Variants in SLC25A17 observed in about 807,000 individuals in gnomAD.
SLC25A17 encodes the protein peroxisomal membrane protein PMP34.
Under a neutral mutation model 38.5 loss-of-function variants are expected in SLC25A17, and 26 were observed. That is an observed-to-expected ratio of 0.68 (90% confidence interval 0.50 to 0.94). The LOEUF (loss-of-function observed/expected upper bound fraction) is 0.94. Ranked by LOEUF, SLC25A17 falls within the 40% of genes least tolerant of loss-of-function variation. The pLI is 0.00. For missense variants in SLC25A17, 333 were observed against 372.7 expected, an observed-to-expected ratio of 0.89 and a Z score of 0.88; for synonymous variants, 139 against 136.2, an observed-to-expected ratio of 1.02 and a Z score of -0.14.
At chr22:40,793,845 A>G (rs1285937327) in intron 3 of SLC25A17, among the ~76,000 whole-genome samples, 1 of 152,124 alleles carries the variant, frequency 6.6e-6, no homozygotes, top group Non-Finnish European at 1.5e-5. Context: ...TCCTGACCTC[A>G]GGTGATCCGC....
At chr22:40,784,096 C>G (rs949873794) in intron 4 of SLC25A17, among the ~76,000 whole-genome samples, 1 of 152,088 alleles carries the variant, frequency 6.6e-6, no homozygotes, top group African/African-American at 2.4e-5. Flanking sequence ...TATGTATTTT[C>G]CTTGTTTATT....
rs1162500210 is a variant in SLC25A17, at chr22:40,819,331, A to T, written c.-83T>A. ...AGTTAGGAAAGGAGCACCGGAGCTC[A>T]GGGTGTGAGAGTCGCAATCCCCGCC... On this transcript the variant is annotated 5_prime_UTR_variant, in exon 1 of 9. Coordinates refer to ENST00000435456, the MANE Select transcript of SLC25A17 (RefSeq NM_006358.4). 1 of 1,286,114 alleles carries T rather than the reference A, an allele frequency of 7.8e-7. No individual in the cohort carries two copies. The highest frequency in any genetic ancestry group is 1.0e-6 in the Non-Finnish European group (1 of 954,266). The allele number at this position is 1,286,114 out of a possible 1,614,324, so 79.7% of individuals were successfully genotyped here.
chr22:40,777,565 C>T (rs1040097140), intron 5 of SLC25A17, among the ~76,000 whole-genome samples, 192 bp from the exon 6 acceptor site: 1 of 152,082 alleles, frequency 6.6e-6, no homozygotes, highest in Non-Finnish European at 1.5e-5. Flanking sequence ...GGGTGGATCA[C>T]GAGGTCAGGA....
intron 1 of SLC25A17, among the ~76,000 whole-genome samples, chr22:40,801,572 T>C (rs761120322): frequency 1.3e-5 from 2 of 152,184 alleles, no homozygotes; most frequent in Non-Finnish European, 2.9e-5. Context: ...TGATACTCAA[T>C]GTTTCAAGAA....
intron 2 of SLC25A17, among the ~76,000 whole-genome samples, chr22:40,796,534 G>A (rs576655149): frequency 6.6e-5 from 10 of 151,768 alleles, no homozygotes; most frequent in Admixed American, 2.0e-4. Flanking sequence ...AGCTACTCGG[G>A]AGGCTGAGAC....
intron 1 of SLC25A17, among the ~76,000 whole-genome samples, chr22:40,801,997 G>A (rs917796149): frequency 4.6e-5 from 7 of 152,030 alleles, no homozygotes; most frequent in Non-Finnish European, 7.4e-5. Flanking sequence ...TCATCATGTT[G>A]GCCAGGCTGG....
Position 40,779,104 on chromosome 22 carries a change from G to T in SLC25A17, c.356C>A (p.Thr119Lys). 6.2e-7 allele frequency: 1 copy of T among 1,614,200 alleles called. No homozygotes were observed. Among genetic ancestry groups the T allele is most frequent in the African/African-American group, 1.3e-5 (1 of 75,052 alleles). ...GGTGTTTACCACCCAGAGTGGAGTT[G>T]TTAGCAACACATTAACCACTCCTTT... ...FVAGVVNVLL[T>K]TPLWVVNTRL... is the part of the protein sequence containing the mutation. Residue 119 changes from threonine to lysine, a missense_variant, in exon 5 of 9, where the codon ACA becomes AAA. Coordinates refer to ENST00000435456, the MANE Select transcript of SLC25A17 (RefSeq NM_006358.4).
At chr22:40,814,754 A>AATATATATATAAATATAT (rs2057617995) in intron 1 of SLC25A17, among the ~76,000 whole-genome samples, 1 of 135,202 alleles carries the variant, frequency 7.4e-6, no homozygotes, top group Admixed American at 7.2e-5. Context: ...GTACGTGCAG[A>AATATATATATAAATATAT]ATATATATAT....
intron 2 of SLC25A17, among the ~76,000 whole-genome samples, chr22:40,797,631 G>A (rs892768966): frequency 3.3e-5 from 5 of 152,166 alleles, no homozygotes; most frequent in African/African-American, 4.8e-5. Context: ...ATCCAGGAAT[G>A]ACTCTCTGTT....
At chr22:40,783,956 C>T (rs560852371) in intron 4 of SLC25A17, among the ~76,000 whole-genome samples, 5 of 152,238 alleles carry the variant, frequency 3.3e-5, no homozygotes, top group African/African-American at 9.6e-5. Flanking sequence ...CCACCTGCCT[C>T]GGCCTCTCAA....
intron 1 of SLC25A17, among the ~76,000 whole-genome samples, chr22:40,807,563 C>T (rs2057540943): frequency 6.6e-6 from 1 of 152,134 alleles, no homozygotes; most frequent in South Asian, 2.1e-4. Flanking sequence ...TCTTGGCTAA[C>T]ATAGTGAAAC....
intron 1 of SLC25A17, 90 bp downstream of exon 1, chr22:40,819,103 CCT>C: frequency 7.4e-7 from 1 of 1,355,518 alleles, no homozygotes; most frequent in Non-Finnish European, 1.0e-6. Context: ...ACACTACCTC[CCT>C]CTCAGACCCA....
rs527361607 is a variant in SLC25A17, at chr22:40,800,804, A to T, written c.55-1721T>A. On this transcript the variant is annotated intron_variant, in intron 1 of 8. Transcript: ENST00000435456. ...GAGTCTGCCTCAAAAAAAAAAAAAAAAATTTTGAATAAAGGCCAGGCATGA... is the reference window on the plus strand; with the variant it reads ...GAGTCTGCCTCAAAAAAAAAAAAAATAATTTTGAATAAAGGCCAGGCATGA... Among the ~76,000 whole-genome samples, 301 of 151,312 alleles carry T rather than the reference A, an allele frequency of 2.0e-3. 1 individual carries two copies. Among genetic ancestry groups the T allele is most frequent in the African/African-American group, 7.0e-3 (289 of 41,268 alleles).
At chr22:40,803,478 T>C (rs1365743476) in intron 1 of SLC25A17, among the ~76,000 whole-genome samples, 4 of 152,238 alleles carry the variant, frequency 2.6e-5, no homozygotes, top group African/African-American at 9.6e-5. Context: ...TCACCACAAA[T>C]GGCAGGATTT....
chr22:40,779,273 G>GTACA lies in SLC25A17; in HGVS notation c.335-152_335-149dup, dbSNP rs2057275162. ...AGGTAAGGTGTCTCTTTGTGCCAGG[G>GTACA]TACAACACAAGCCACTACTGTTAGA... On this transcript the variant is annotated intron_variant, in intron 4 of 8. Coordinates refer to ENST00000435456, the MANE Select transcript of SLC25A17 (RefSeq NM_006358.4). 2.0e-6 allele frequency: 3 copies of GTACA among 1,508,130 alleles called. No individual in the cohort carries two copies. The African/African-American group carries it at 4.1e-5, about 21-fold the overall frequency. The allele number at this position is 1,508,130 out of a possible 1,614,324, so 93.4% of individuals were successfully genotyped here.
At chr22:40,802,815 CA>C (rs1341136003) in intron 1 of SLC25A17, among the ~76,000 whole-genome samples, 1 of 151,688 alleles carries the variant, frequency 6.6e-6, no homozygotes, top group Non-Finnish European at 1.5e-5. Context: ...TATAGAAAAA[CA>C]AAAAGGGGTC....
intron 4 of SLC25A17, chr22:40,779,340 A>G (rs918250016): frequency 3.8e-6 from 5 of 1,322,152 alleles, no homozygotes; most frequent in South Asian, 1.6e-5. Context: ...GGCTGGCGGC[A>G]GCAGCTCTCC....
chr22:40,771,729 G>T (rs1346137877), intron 8 of SLC25A17, among the ~76,000 whole-genome samples: 3 of 152,136 alleles, frequency 2.0e-5, no homozygotes, highest in Non-Finnish European at 4.4e-5. Context: ...TAGTGGCGGG[G>T]GGAAGGTGGG....
rs976682424 is a variant in SLC25A17 at position 40,789,510 on chromosome 22, T to G, written c.334+3015A>C. Among the ~76,000 whole-genome samples the G allele has an allele frequency of 2.6e-5, 4 of 152,188 alleles. No individual in the cohort carries two copies. Among genetic ancestry groups the G allele is most frequent in the African/African-American group, 9.7e-5 (4 of 41,450 alleles). On this transcript the variant is annotated intron_variant, in intron 4 of 8. Coordinates refer to ENST00000435456, the MANE Select transcript of SLC25A17 (RefSeq NM_006358.4). This position sits in a 1 kb window ranked among gnomAD's most constrained non-coding sequence, Gnocchi z 4.5. ...CCTACCTTTTAAAATATTTTATGTT[T>G]GTTTGTTTATTTAGAGGTAGAGTTT...
Sources: allele counts gnomAD v4.1 joint callset (sites outside exome capture counted in the v4.1 genomes callset), GRCh38; gene constraint gnomAD v4.1.1; non-coding constraint Gnocchi (gnomAD v3.1); transcripts MANE v1.5; gene names NCBI Gene and HGNC (gene_info 2026-07-23, HGNC 2026-07-21).